The following CTNND2 variants were observed in gnomAD, a reference collection of about 807,000 sequenced individuals.
CTNND2 encodes the protein catenin delta 2.
In CTNND2, 22 loss-of-function variants were observed where a neutral mutation model predicts 144.4. That is an observed-to-expected ratio of 0.15 (90% CI 0.11 to 0.22). CTNND2 has a LOEUF of 0.22. Ranked by LOEUF, CTNND2 falls within the 10% of genes least tolerant of loss-of-function variation. The pLI is 1.00. For missense variants in CTNND2, 1,353 were observed against 1,618.8 expected, an observed-to-expected ratio of 0.84 and a Z score of 2.82; for synonymous variants, 751 against 695.6, an observed-to-expected ratio of 1.08 and a Z score of -1.25.
intron 12 of CTNND2, among the ~76,000 whole-genome samples, chr5:11,137,435 C>T (rs1236182857): frequency 6.6e-6 from 1 of 152,122 alleles, no homozygotes; most frequent in Non-Finnish European, 1.5e-5. Flanking sequence ...CCAACGTGTC[C>T]AGGAATTTCC....
At chr5:11,823,232 A>T (rs1015871597) in intron 1 of CTNND2, among the ~76,000 whole-genome samples, 1 of 152,242 alleles carries the variant, frequency 6.6e-6, no homozygotes, top group East Asian at 1.9e-4. Flanking sequence ...CTGACACTTC[A>T]TGTCTTCCAA....
intron 11 of CTNND2, among the ~76,000 whole-genome samples, chr5:11,159,965 C>CCA (rs1189810165): frequency 2.6e-5 from 4 of 152,188 alleles, no homozygotes; most frequent in African/African-American, 4.8e-5. Context: ...AGCAGAGGAA[C>CCA]TGTGACATGA....
chr5:11,544,554 A>G (rs1467730014), intron 3 of CTNND2, among the ~76,000 whole-genome samples: 2 of 152,252 alleles, frequency 1.3e-5, no homozygotes, highest in Non-Finnish European at 2.9e-5. Flanking sequence ...CAACTGGTAA[A>G]TGAATATGCA....
At chr5:11,068,326 G>A (rs1032261036) in intron 16 of CTNND2, among the ~76,000 whole-genome samples, 3 of 152,128 alleles carry the variant, frequency 2.0e-5, no homozygotes, top group African/African-American at 4.8e-5. Context: ...TGATTCCACC[G>A]TGCATCCAAC....
In CTNND2 at chr5:11,629,327, A is replaced by G. The variant is rs573448205; in HGVS notation, c.175-64271T>C. On this transcript the variant is annotated intron_variant, in intron 2 of 21. Transcript: ENST00000304623. ...TAAGCCTCTTAAATAAAGACAAAAG[A>G]TACACAGGAGGTAGAACAGATCTAT... Among the ~76,000 whole-genome samples, 16 of 152,280 alleles carry G rather than the reference A, an allele frequency of 1.1e-4. No homozygotes were observed. In the South Asian group the frequency reaches 3.1e-3, roughly 30 times the overall value.
At chr5:11,352,353 A>G (rs531633241) in intron 8 of CTNND2, among the ~76,000 whole-genome samples, 1 of 152,186 alleles carries the variant, frequency 6.6e-6, no homozygotes, top group Non-Finnish European at 1.5e-5. Context: ...GTAAAACCCT[A>G]TCCTTAAATA....
rs1787420539 is a variant in CTNND2 at position 11,732,136 on chromosome 5, C to T, written c.174G>A (p.Gln58=). 1 of 1,612,030 alleles carries T rather than the reference C, an allele frequency of 6.2e-7. No homozygotes were observed. The highest frequency in any genetic ancestry group is 1.7e-5 in the Admixed American group (1 of 59,918). The change falls in exon 2 of 22, where the codon CAG becomes CAA. Residue 58 remains glutamine, a splice_region_variant and synonymous_variant. Coordinates refer to ENST00000304623, the MANE Select transcript of CTNND2 (RefSeq NM_001332.4). ...TSAILASVKE[Q]ELQFERLTRE... is the part of the protein sequence containing the mutation. ...ATCACAAAAATGGGAATGTTTCTACCTGTTCTTTGACTGAGGCGAGGATGG... is the reference window on the plus strand; with the variant it reads ...ATCACAAAAATGGGAATGTTTCTACTTGTTCTTTGACTGAGGCGAGGATGG...
At chr5:11,716,359 C>A (rs1315156917) in intron 2 of CTNND2, among the ~76,000 whole-genome samples, 2 of 152,144 alleles carry the variant, frequency 1.3e-5, no homozygotes, top group Non-Finnish European at 1.5e-5. Context: ...ACTTCTCATT[C>A]ATTTATTTAT....
rs969904425 is a variant in CTNND2 at position 11,251,221 on chromosome 5, T to A, written c.1629-14398A>T. Among the ~76,000 whole-genome samples the A allele has an allele frequency of 2.0e-5, 3 of 152,252 alleles. No individual in the cohort carries two copies. In the South Asian group the frequency reaches 6.2e-4, roughly 31 times the overall value. ...CTTTATGGGTTCACAAACCTCTTCA[T>A]GTTTCACAGGGTGCCCCCCAGGCCA... On this transcript the variant is annotated intron_variant, in intron 9 of 21. Transcript: ENST00000304623.
At chr5:11,811,593 CCA>C (rs1792337964) in intron 1 of CTNND2, among the ~76,000 whole-genome samples, 1 of 152,098 alleles carries the variant, frequency 6.6e-6, no homozygotes, top group Non-Finnish European at 1.5e-5. Flanking sequence ...TAGACAGGGT[CCA>C]ATGGATGCCC....
rs527670077 is a variant in CTNND2, at chr5:11,210,131, C to T, written c.1762-10470G>A. On this transcript the variant is annotated intron_variant, in intron 10 of 21. Coordinates refer to ENST00000304623, the MANE Select transcript of CTNND2 (RefSeq NM_001332.4). Reference sequence around the variant, plus strand: ...ATTTAAATAAAGATATAAGATTGGGCGTGGTGGCTCACATCAGTACTTTGG... The same window carrying T: ...ATTTAAATAAAGATATAAGATTGGGTGTGGTGGCTCACATCAGTACTTTGG... Among the ~76,000 whole-genome samples, 35 of 152,072 alleles carry T rather than the reference C, an allele frequency of 2.3e-4. 1 individual carries two copies. The highest frequency in any genetic ancestry group is 9.7e-4 in the East Asian group (5 of 5,138).
At chr5:11,366,091 C>G (rs1303469694) in intron 7 of CTNND2, among the ~76,000 whole-genome samples, 1 of 152,158 alleles carries the variant, frequency 6.6e-6, no homozygotes, top group Non-Finnish European at 1.5e-5. Context: ...TTGGCCATGT[C>G]GGGACAGCTC....
At chr5:11,237,660 C>G (rs1741794195) in intron 9 of CTNND2, among the ~76,000 whole-genome samples, 1 of 152,052 alleles carries the variant, frequency 6.6e-6, no homozygotes, top group South Asian at 2.1e-4. Context: ...GTCACCACGT[C>G]CGTCTTAAAT....
At chr5:11,083,607 G>A (rs964420211) in intron 15 of CTNND2, among the ~76,000 whole-genome samples, 3 of 152,166 alleles carry the variant, frequency 2.0e-5, no homozygotes, top group Non-Finnish European at 4.4e-5. Flanking sequence ...TCACTTAACA[G>A]AATGCAGGCC....
At chr5:11,870,785 A>C (rs1735043752) in intron 1 of CTNND2, among the ~76,000 whole-genome samples, 1 of 152,202 alleles carries the variant, frequency 6.6e-6, no homozygotes, top group Non-Finnish European at 1.5e-5. Flanking sequence ...GCCTGGAGGG[A>C]AACTTCCACA....
intron 1 of CTNND2, among the ~76,000 whole-genome samples, chr5:11,836,862 G>T (rs910760957): frequency 1.3e-5 from 2 of 152,204 alleles, no homozygotes; most frequent in Non-Finnish European, 2.9e-5. Flanking sequence ...TGTTATTTCA[G>T]GGGGATGGGA....
intron 3 of CTNND2, among the ~76,000 whole-genome samples, chr5:11,468,792 T>G (rs577705954): frequency 6.6e-6 from 1 of 152,208 alleles, no homozygotes; most frequent in African/African-American, 2.4e-5. Flanking sequence ...GGTGACTCAC[T>G]CATCTTGTCA....
chr5:11,364,087 C>T (rs1053164929), intron 8 of CTNND2, among the ~76,000 whole-genome samples: 6 of 152,252 alleles, frequency 3.9e-5, no homozygotes, highest in African/African-American at 1.4e-4. Context: ...AAAACACTTG[C>T]GTTTTGTCGT....
At chr5:11,508,731 G>A (rs1165171856) in intron 3 of CTNND2, among the ~76,000 whole-genome samples, 1 of 152,114 alleles carries the variant, frequency 6.6e-6, no homozygotes, top group Non-Finnish European at 1.5e-5. Context: ...GGCCAACATG[G>A]TGAAACCCCA....
Sources: allele counts gnomAD v4.1 joint callset (sites outside exome capture counted in the v4.1 genomes callset), GRCh38; gene constraint gnomAD v4.1.1; transcripts MANE v1.5; gene names NCBI Gene and HGNC (gene_info 2026-07-23, HGNC 2026-07-21).